Variants in RBFOX3 observed in about 807,000 individuals in gnomAD.
RBFOX3 encodes RNA binding fox-1 homolog 3, also known as RNA binding protein fox-1 homolog 3.
In RBFOX3, 17 loss-of-function variants were observed where a neutral mutation model predicts 48.7. The observed-to-expected ratio is 0.35, with a 90% CI of 0.24 to 0.52. The LOEUF (loss-of-function observed/expected upper bound fraction) is 0.52. RBFOX3 is among the 20% of genes least tolerant of loss of function. RBFOX3 has a pLI of 0.94. For missense variants in RBFOX3, 382 were observed against 497.5 expected (o/e 0.77, Z 2.21); for synonymous variants, 212 against 209.5 (o/e 1.01, Z -0.10).
In RBFOX3 at chr17:79,383,932, GA is replaced by G. The variant is rs59383979; in HGVS notation, c.-174-76109del. Among the ~76,000 whole-genome samples the G allele has an allele frequency of 3.9e-3, 594 of 152,300 alleles. 2 individuals carry two copies. Among genetic ancestry groups the G allele is most frequent in the African/African-American group, 0.012 (496 of 41,550 alleles). On this transcript the variant is annotated intron_variant, in intron 2 of 14. Coordinates refer to ENST00000693108, the MANE Select transcript of RBFOX3 (RefSeq NM_001350451.2). ...CCCCCATATGTGGCAAGGAATGTCA[GA>G]GGGGGGGGCAATCAGGGTATGTGGG...
At chr17:79,601,262 A>G (rs1392591938) in intron 1 of RBFOX3, 2 of 152,162 alleles carry the variant, frequency 1.3e-5, no homozygotes, top group Non-Finnish European at 2.9e-5. Context: ...GCTGCGGGGG[A>G]TACTGATTCT....
intron 2 of RBFOX3, among the ~76,000 whole-genome samples, chr17:79,348,571 C>CTTTTTT (rs71358701): frequency 5.3e-5 from 4 of 75,144 alleles, no homozygotes; most frequent in Non-Finnish European, 6.9e-5. Context: ...TTTTCTTTTC[C>CTTTTTT]TTTTTTTTTT....
chr17:79,491,307 A>C (rs2080601148), intron 1 of RBFOX3, among the ~76,000 whole-genome samples: 1 of 151,820 alleles, frequency 6.6e-6, no homozygotes, highest in Non-Finnish European at 1.5e-5. Context: ...CAGACATATA[A>C]GTTAGAAACC....
At chr17:79,136,008 C>A (rs1421464607) in intron 4 of RBFOX3, 1 of 152,274 alleles carries the variant, frequency 6.6e-6, no homozygotes, top group African/African-American at 2.4e-5. Flanking sequence ...TGGCACTGTT[C>A]TGTTCCTAGC....
intron 1 of RBFOX3, among the ~76,000 whole-genome samples, chr17:79,609,029 C>T (rs890678098): frequency 7.9e-5 from 12 of 151,734 alleles, no homozygotes; most frequent in Non-Finnish European, 1.6e-4. Context: ...AGCGCCTTCT[C>T]GACAACTTTT....
At chr17:79,400,406 C>A (rs72852446) in intron 2 of RBFOX3, among the ~76,000 whole-genome samples, 9,132 of 152,252 alleles carry the variant, frequency 0.06, 348 homozygotes, top group East Asian at 0.1. Context: ...CTTCACACGG[C>A]GTTTTTGTCT....
intron 1 of RBFOX3, among the ~76,000 whole-genome samples, chr17:79,553,584 C>A (rs1409615923): frequency 1.3e-5 from 2 of 152,196 alleles, no homozygotes; most frequent in African/African-American, 4.8e-5. Context: ...CCCTGTGGAA[C>A]CATTCAGACC....
At chr17:79,426,709 G>T (rs544272139) in intron 2 of RBFOX3, among the ~76,000 whole-genome samples, 5 of 151,514 alleles carry the variant, frequency 3.3e-5, no homozygotes, top group African/African-American at 7.3e-5. Context: ...TTGTTTGTTT[G>T]TTTTTTTGCT....
intron 2 of RBFOX3, among the ~76,000 whole-genome samples, chr17:79,400,282 A>G (rs1270384408): frequency 6.6e-6 from 1 of 152,154 alleles, no homozygotes; most frequent in African/African-American, 2.4e-5. Flanking sequence ...GACTCCGGAT[A>G]GAATTCTTCC....
At chr17:79,415,159 A>G (rs2065122353) in intron 2 of RBFOX3, among the ~76,000 whole-genome samples, 1 of 152,170 alleles carries the variant, frequency 6.6e-6, no homozygotes, top group African/African-American at 2.4e-5. Context: ...GCCCGGTGCC[A>G]CCTACGAGGA....
chr17:79,162,566 T>TA, intron 4 of RBFOX3, among the ~76,000 whole-genome samples: 1 of 152,272 alleles, frequency 6.6e-6, no homozygotes, highest in Non-Finnish European at 1.5e-5. Flanking sequence ...AATGAGATTT[T>TA]AGTAATTCAA....
chr17:79,335,119 T>A (rs1332526350), intron 2 of RBFOX3, among the ~76,000 whole-genome samples: 1 of 152,204 alleles, frequency 6.6e-6, no homozygotes, highest in Admixed American at 6.5e-5. Context: ...GAGGGGCGTA[T>A]GTGGGCCTCT....
intron 2 of RBFOX3, among the ~76,000 whole-genome samples, chr17:79,353,088 G>A (rs951521319): frequency 1.3e-5 from 2 of 152,238 alleles, no homozygotes; most frequent in Non-Finnish European, 2.9e-5. Flanking sequence ...CTGCACAGGA[G>A]GGACATCGTC....
the RBFOX3 span, among the ~76,000 whole-genome samples, chr17:79,622,803 C>A: frequency 4.6e-5 from 7 of 152,194 alleles, no homozygotes; most frequent in South Asian, 2.1e-4. Flanking sequence ...AGGACGGCAC[C>A]ATATAGATTT....
chr17:79,646,632 C>T, the RBFOX3 span, among the ~76,000 whole-genome samples: 2 of 152,206 alleles, frequency 1.3e-5, no homozygotes, highest in South Asian at 4.2e-4. Flanking sequence ...TCCACCTGGC[C>T]CTGCCCTTGA....
chr17:79,393,591 C>T (rs2061610093), intron 2 of RBFOX3, among the ~76,000 whole-genome samples: 1 of 152,110 alleles, frequency 6.6e-6, no homozygotes, highest in African/African-American at 2.4e-5. Context: ...CATCAATGAA[C>T]ATCTGAGCCA....
chr17:79,490,280 C>CG (rs768160740), intron 1 of RBFOX3, among the ~76,000 whole-genome samples: 16 of 152,146 alleles, frequency 1.1e-4, no homozygotes, highest in Non-Finnish European at 2.1e-4. Context: ...ACGTATCCAA[C>CG]GGGAAAGGGA....
At chr17:79,180,887 A>G (rs1272349827) in intron 4 of RBFOX3, among the ~76,000 whole-genome samples, 1 of 151,978 alleles carries the variant, frequency 6.6e-6, no homozygotes, top group Non-Finnish European at 1.5e-5. Flanking sequence ...ACAATTCGGG[A>G]TGGCTATGGC....
chr17:79,143,639 C>T (rs1190751864), intron 4 of RBFOX3, among the ~76,000 whole-genome samples: 1 of 152,222 alleles, frequency 6.6e-6, no homozygotes, highest in Non-Finnish European at 1.5e-5. Context: ...CTTCGCTCGG[C>T]ACCAACGCCA....
Sources: gnomAD v4.1 joint callset for allele counts (sites outside exome capture counted in the v4.1 genomes callset) on GRCh38, gnomAD v4.1.1 for gene constraint, MANE v1.5 for transcripts, NCBI Gene and HGNC (gene_info 2026-07-23, HGNC 2026-07-21) for gene names.